The following CCDC7 variants were observed in gnomAD, a reference collection of about 807,000 sequenced individuals.
The protein encoded by CCDC7 is coiled-coil domain-containing protein 7.
Under a neutral mutation model 196.9 loss-of-function variants are expected in CCDC7, and 183 were observed. The observed-to-expected ratio is 0.93, with a 90% CI of 0.82 to 1.05. The LOEUF (loss-of-function observed/expected upper bound fraction) is 1.05. Ranked by LOEUF, CCDC7 falls within the 50% of genes least tolerant of loss-of-function variation. The probability of loss-of-function intolerance (pLI) is 0.00; values close to 1 mark genes in which losing one functional copy is unlikely to be tolerated. For synonymous variants in CCDC7, 525 were observed against 484.6 expected (o/e 1.08, Z -1.10); for missense variants, 1,540 against 1,482.2 (o/e 1.04, Z -0.64).
In CCDC7 at chr10:32,716,014, C is replaced by A. The variant is rs1591975880; in HGVS notation, c.2569+4284C>A. 2.0e-5 allele frequency among the ~76,000 whole-genome samples: 3 copies of A among 152,106 alleles called. No individual in the cohort carries two copies. The East Asian group carries it at 5.8e-4, about 29-fold the overall frequency. ...ATCCAGGAGAACTTCCCCAAAATAG[C>A]AAGACAGGCCAATATTCAAATTCAG... On this transcript the variant is annotated intron_variant, in intron 25 of 41. Transcript: ENST00000639629.
At chr10:32,802,525 C>G (rs1267111050) in intron 29 of CCDC7, among the ~76,000 whole-genome samples, 2 of 152,052 alleles carry the variant, frequency 1.3e-5, no homozygotes, top group African/African-American at 4.8e-5. Flanking sequence ...ACTCCCAGTA[C>G]CAAAATCTGT....
intron 21 of CCDC7, among the ~76,000 whole-genome samples, chr10:32,664,708 TG>T (rs1184572063): frequency 1.3e-5 from 2 of 152,062 alleles, no homozygotes; most frequent in East Asian, 3.8e-4. Context: ...CGTTATCTAT[TG>T]ATCTGTGGCT....
Position 32,643,289 on chromosome 10 carries a change from A to G in CCDC7, c.2014+8131A>G, listed in dbSNP as rs1255572146. 2.6e-5 allele frequency among the ~76,000 whole-genome samples: 4 copies of G among 152,180 alleles called. No individual in the cohort carries two copies. The East Asian group carries it at 7.7e-4, about 29-fold the overall frequency. ...AATCTCTGGTAAGGTTATTTGCCTT[A>G]AATCCTATTGTGTCTTACATTGACA... On this transcript the variant is annotated intron_variant, in intron 20 of 41. Coordinates refer to ENST00000639629, the Ensembl canonical transcript of CCDC7.
intron 21 of CCDC7, among the ~76,000 whole-genome samples, chr10:32,666,966 G>C (rs1421637446): frequency 8.5e-5 from 13 of 152,138 alleles, no homozygotes; most frequent in Admixed American, 8.5e-4. Context: ...CTTCCACAAT[G>C]GTTGAACTAG....
At chr10:32,859,989 G>A (rs2136448891) in intron 41 of CCDC7, among the ~76,000 whole-genome samples, 1 of 152,316 alleles carries the variant, frequency 6.6e-6, no homozygotes, top group Non-Finnish European at 1.5e-5. Flanking sequence ...GAGGTACGAA[G>A]AGGAGCTGGT....
At chr10:32,627,628 A>G (rs1203300668) in intron 18 of CCDC7, among the ~76,000 whole-genome samples, 3 of 152,024 alleles carry the variant, frequency 2.0e-5, no homozygotes. Context: ...ACTATTGATT[A>G]TAATGTTACC....
exon 27 of CCDC7, chr10:32,728,993 C>A (rs371773173): frequency 1.9e-6 from 3 of 1,561,230 alleles, no homozygotes; most frequent in Admixed American, 1.7e-5. Flanking sequence ...TGGAAAGACA[C>A]AAGAGTGAGT....
chr10:32,666,533 C>A (rs2072774344), intron 21 of CCDC7, among the ~76,000 whole-genome samples: 1 of 137,158 alleles, frequency 7.3e-6, no homozygotes, highest in Non-Finnish European at 1.6e-5. Context: ...CCCCTCCCCC[C>A]ACCCCATGAT....
In CCDC7 at chr10:32,544,293, C is replaced by T. The variant is rs575329997; in HGVS notation, c.1126C>T (p.Gln376Ter). The T allele has an allele frequency of 1.9e-6, 3 of 1,609,662 alleles. No individual in the cohort carries two copies. The highest frequency in any genetic ancestry group is 2.5e-6 in the Non-Finnish European group (3 of 1,177,782). Residue 376 changes from glutamine (Q) to a stop codon, truncating the protein, a stop_gained, in exon 13 of 42, where the codon CAA becomes TAA. Transcript: ENST00000639629. LOFTEE classifies it high-confidence loss of function. ...GTTTAAAATAAAAGAAGATTTGGAT[C>T]AAGTACAGGTAACACACCCACTCTC... is the stretch of plus-strand genomic sequence containing the variant.
chr10:32,683,809 T>C (rs989103100), intron 21 of CCDC7, among the ~76,000 whole-genome samples: 5 of 151,780 alleles, frequency 3.3e-5, no homozygotes, highest in South Asian at 2.1e-4. Flanking sequence ...CAGGCAGAAG[T>C]AGGGTGGCTG....
At chr10:32,600,536 T>A (rs2060888038) in intron 18 of CCDC7, among the ~76,000 whole-genome samples, 1 of 152,148 alleles carries the variant, frequency 6.6e-6, no homozygotes, top group Non-Finnish European at 1.5e-5. Context: ...CTTTTCCAAT[T>A]CAGATGCCTT....
intron 28 of CCDC7, among the ~76,000 whole-genome samples, chr10:32,739,326 A>AT (rs1024701209): frequency 6.6e-6 from 1 of 151,052 alleles, no homozygotes; most frequent in African/African-American, 2.4e-5. Context: ...TTATTTTATT[A>AT]TTTTTTCTCT....
intron 16 of CCDC7, among the ~76,000 whole-genome samples, chr10:32,579,925 A>G (rs2058584598): frequency 6.6e-6 from 1 of 152,108 alleles, no homozygotes; most frequent in African/African-American, 2.4e-5. Flanking sequence ...AAGCTGTAAC[A>G]TACACGAGTC....
rs1037470688 is a variant in CCDC7, at chr10:32,549,182, CAT to C, written c.1134+4884_1134+4885del. ...TCATTCATGATGTTGAGCATTTTTTCATATGTTTGTTAGCCATTTGTATATCT... is the reference window on the plus strand; with the variant it reads ...TCATTCATGATGTTGAGCATTTTTTCATGTTTGTTAGCCATTTGTATATCT... On this transcript the variant is annotated intron_variant, in intron 13 of 41. Coordinates refer to ENST00000639629, the Ensembl canonical transcript of CCDC7. Among the ~76,000 whole-genome samples, 52 of 152,230 alleles carry C rather than the reference CAT, an allele frequency of 3.4e-4. 1 individual carries two copies. The highest frequency in any genetic ancestry group is 1.0e-3 in the African/African-American group (42 of 41,544).
At chr10:32,790,117 G>C (rs2082459058) in intron 29 of CCDC7, among the ~76,000 whole-genome samples, 1 of 152,130 alleles carries the variant, frequency 6.6e-6, no homozygotes, top group Non-Finnish European at 1.5e-5. Context: ...AGCTTTCCCA[G>C]ACTGGCATTA....
intron 18 of CCDC7, among the ~76,000 whole-genome samples, chr10:32,624,523 A>G (rs1333831974): frequency 6.6e-6 from 1 of 152,200 alleles, no homozygotes; most frequent in African/African-American, 2.4e-5. Context: ...CTTCAAAAGC[A>G]ATGTCAAAAT....
intron 11 of CCDC7, among the ~76,000 whole-genome samples, chr10:32,522,112 C>T (rs1376755074): frequency 6.6e-6 from 1 of 152,164 alleles, no homozygotes; most frequent in South Asian, 2.1e-4. Context: ...CATCAATAGT[C>T]ACCAGAAATA....
chr10:32,674,770 CATAT>C (rs1011546635), intron 21 of CCDC7, among the ~76,000 whole-genome samples: 1 of 151,892 alleles, frequency 6.6e-6, no homozygotes, highest in Non-Finnish European at 1.5e-5. Flanking sequence ...TTGTTATATA[CATAT>C]ATATATTTTT....
At chr10:32,759,981 A>G (rs1421102427) in intron 28 of CCDC7, among the ~76,000 whole-genome samples, 2 of 152,060 alleles carry the variant, frequency 1.3e-5, no homozygotes, top group African/African-American at 2.4e-5. Flanking sequence ...GCAGCCAAAA[A>G]ACACATGAAA....
Sources: allele counts gnomAD v4.1 joint callset (sites outside exome capture counted in the v4.1 genomes callset), GRCh38; gene constraint gnomAD v4.1.1; transcripts MANE v1.5; gene names NCBI Gene and HGNC (gene_info 2026-07-23, HGNC 2026-07-21).